Variants in RRBP1 observed in about 807,000 individuals in gnomAD.
RRBP1 encodes the protein ribosome-binding protein 1.
A neutral mutation model predicts 165.2 loss-of-function variants in RRBP1; 94 were observed. The observed-to-expected ratio is 0.57, with a 90% CI of 0.48 to 0.68. The LOEUF (loss-of-function observed/expected upper bound fraction) is 0.68. Ranked by LOEUF, RRBP1 falls within the 30% of genes least tolerant of loss-of-function variation. The pLI is 0.00. For missense variants in RRBP1, 1,676 were observed against 1,763.0 expected (o/e 0.95, Z 0.88); for synonymous variants, 680 against 714.5 (o/e 0.95, Z 0.77).
chr20:17,658,886 TCTC>T lies in RRBP1; in HGVS notation c.1619_1621del (p.Gly540del). 7 of 1,613,592 alleles carry T rather than the reference TCTC, an allele frequency of 4.3e-6. No individual in the cohort carries two copies. The highest frequency in any genetic ancestry group is 5.9e-6 in the Non-Finnish European group (7 of 1,179,898). ...CTTTTTGCCCTGGATGGGAGCTCCC[TCTC>T]CTTTTTTGCCTTGGTTGGGACTCCT... On this transcript the variant is annotated inframe_deletion, in exon 3 of 25. Coordinates refer to ENST00000377813, the MANE Select transcript of RRBP1 (RefSeq NM_001365613.2).
chr20:17,660,440 A>G lies in RRBP1; in HGVS notation c.68T>C (p.Ile23Thr). The G allele has an allele frequency of 2.5e-6, 4 of 1,614,182 alleles. No homozygotes were observed. Among genetic ancestry groups the G allele is most frequent in the Non-Finnish European group, 3.4e-6 (4 of 1,180,038 alleles). The change falls in exon 3 of 25, where the codon ATT becomes ACT. Residue 23 changes from isoleucine (I) to threonine (T), a missense_variant. Physicochemically the swap from Ile to Thr is moderately conservative, Grantham distance 89. Around this residue, in one of 5 missense-constraint regions of RRBP1, gnomAD observed 392 missense variants for 382.5 expected, o/e 1.02. Coordinates refer to ENST00000377813, the MANE Select transcript of RRBP1 (RefSeq NM_001365613.2). ...VFGGFMVVSA[I>T]GIFLVSTFSM... ...GAAAGTCGACACCAGGAAGATGCCA[A>G]TGGCAGAAACAACCATGAATCCTCC... is the stretch of plus-strand genomic sequence containing the variant.
intron 18 of RRBP1, 188 bp from the exon 19 acceptor site, chr20:17,619,916 C>T (rs2035875548): frequency 3.6e-6 from 2 of 560,366 alleles, no homozygotes; most frequent in Non-Finnish European, 6.3e-6. Flanking sequence ...TGGCAGGCTG[C>T]ACCCGGGCAC....
chr20:17,643,757 T>C lies in RRBP1; in HGVS notation c.1913-630A>G, dbSNP rs1429093122. 1.3e-5 allele frequency among the ~76,000 whole-genome samples: 2 copies of C among 152,156 alleles called. No homozygotes were observed. The highest frequency in any genetic ancestry group is 2.1e-4 in the South Asian group (1 of 4,828). On this transcript the variant is annotated intron_variant, in intron 3 of 24. Coordinates refer to ENST00000377813, the MANE Select transcript of RRBP1 (RefSeq NM_001365613.2). This position sits in a 1 kb window ranked among gnomAD's most constrained non-coding sequence, Gnocchi z 4.3. ...AGAGGGAAGGCTGGCTGGGTTCTTA[T>C]AGAAAGGGCCTGTCCACTGGCCAGT...
At chr20:17,665,496 C>T (rs145399680) in intron 2 of RRBP1, among the ~76,000 whole-genome samples, 4 of 152,226 alleles carry the variant, frequency 2.6e-5, no homozygotes, top group East Asian at 1.9e-4. Flanking sequence ...CTCAGGCTCC[C>T]GAGTAGCTGG....
intron 23 of RRBP1, 65 bp downstream of exon 23, chr20:17,615,366 C>T: frequency 7.4e-7 from 1 of 1,346,396 alleles, no homozygotes; most frequent in South Asian, 1.3e-5. Context: ...CTTTCCGAGG[C>T]CAAGAGTGGC....
At chr20:17,672,481 T>C (rs2036996489) in intron 2 of RRBP1, among the ~76,000 whole-genome samples, 2 of 152,240 alleles carry the variant, frequency 1.3e-5, no homozygotes, top group South Asian at 2.1e-4. Flanking sequence ...TCTTATTTAT[T>C]ATCAACGGTA....
chr20:17,668,796 C>T (rs1433176007), intron 2 of RRBP1, among the ~76,000 whole-genome samples: 1 of 152,184 alleles, frequency 6.6e-6, no homozygotes, highest in Admixed American at 6.5e-5. Flanking sequence ...ATGACTTTGA[C>T]CGATAATACC....
rs2122335374 is a variant in RRBP1, at chr20:17,636,680, T to C, written c.2234A>G (p.Lys745Arg). 6.2e-7 allele frequency: 1 copy of C among 1,613,406 alleles called. No individual in the cohort carries two copies. ...AKAAAGEAKV[K>R]KQLVAREQEI... The stretch of plus-strand genomic sequence containing the variant: ...CTGCTCCCGGGCCACCAGCTGCTTT[T>C]TCACTTTGGCCTCCCCGGCTGCTGC... Residue 745 changes from lysine to arginine, a missense_variant, in exon 6 of 25, where the codon AAA becomes AGA. Lys to Arg is a conservative substitution (Grantham distance 26). Transcript: ENST00000377813.
Position 17,627,507 on chromosome 20 carries a change from G to A in RRBP1, c.2925C>T (p.Val975=), listed in dbSNP as rs2036050677. ...TGGCCCCAGGCAGAAGGCTGACCTG[G>A]ACGTCCTGGGCATCCCGCGCCTGGC... ...EAGQARDAQD[V]QASQAEADQQ... is the part of the protein sequence containing the mutation. The change falls in exon 10 of 25, where the codon GTC becomes GTT. Residue 975 remains valine, a synonymous_variant. Transcript: ENST00000377813. 1 of 1,609,672 alleles carries A rather than the reference G, an allele frequency of 6.2e-7. No homozygotes were observed. Among genetic ancestry groups the A allele is most frequent in the Non-Finnish European group, 8.5e-7 (1 of 1,177,740 alleles).
intron 3 of RRBP1, among the ~76,000 whole-genome samples, chr20:17,654,573 G>A (rs913787651): frequency 1.3e-5 from 2 of 152,174 alleles, no homozygotes; most frequent in African/African-American, 4.8e-5. Context: ...GTTCATAAAT[G>A]CCTCCTTTCA....
At chr20:17,616,401 G>A (rs549059536) in intron 21 of RRBP1, among the ~76,000 whole-genome samples, 9 of 152,282 alleles carry the variant, frequency 5.9e-5, no homozygotes, top group South Asian at 2.1e-4. Flanking sequence ...TGTCCCAGCC[G>A]GGGTTGCAGT....
At chr20:17,645,417 A>G (rs186057391) in intron 3 of RRBP1, among the ~76,000 whole-genome samples, 4 of 152,408 alleles carry the variant, frequency 2.6e-5, no homozygotes, top group Admixed American at 2.6e-4. Flanking sequence ...AGCTGCGTAC[A>G]GCAAAATGTT....
chr20:17,626,811 C>T (rs951760452), intron 11 of RRBP1, among the ~76,000 whole-genome samples: 5 of 152,224 alleles, frequency 3.3e-5, no homozygotes, highest in Admixed American at 2.0e-4. Context: ...TGGCCTGGCG[C>T]TGGTGCTGCT....
chr20:17,652,523 C>T lies in RRBP1; in HGVS notation c.1912+6073G>A, dbSNP rs563211532. 3.9e-5 allele frequency among the ~76,000 whole-genome samples: 6 copies of T among 152,178 alleles called. No homozygotes were observed. In the South Asian group the frequency reaches 1.0e-3, roughly 26 times the overall value. The stretch of plus-strand genomic sequence containing the variant: ...CCACTGCCAAGCACCTCCCAGATCC[C>T]CGCAGCACAGCCCTCATGCCACCTC... On this transcript the variant is annotated intron_variant, in intron 3 of 24. Transcript: ENST00000377813.
intron 2 of RRBP1, among the ~76,000 whole-genome samples, chr20:17,677,953 C>T (rs1247287447): frequency 6.6e-6 from 1 of 152,186 alleles, no homozygotes; most frequent in Admixed American, 6.5e-5. Flanking sequence ...ACTGGAACTC[C>T]AATACTTTGG....
intron 2 of RRBP1, among the ~76,000 whole-genome samples, 198 bp downstream of exon 2, chr20:17,679,801 T>C (rs1247288368): frequency 6.6e-6 from 1 of 152,236 alleles, no homozygotes; most frequent in Admixed American, 6.5e-5. Flanking sequence ...AATCTCTCTG[T>C]AAATGTTCAG....
chr20:17,644,102 T>C (rs1458815108), intron 3 of RRBP1, among the ~76,000 whole-genome samples: 1 of 152,226 alleles, frequency 6.6e-6, no homozygotes, highest in East Asian at 1.9e-4. Context: ...ATTCTCTGGC[T>C]TGTCACAATA....
At chr20:17,623,656 G>T (rs1265229284) in intron 13 of RRBP1, among the ~76,000 whole-genome samples, 3 of 152,234 alleles carry the variant, frequency 2.0e-5, no homozygotes, top group African/African-American at 7.2e-5. Flanking sequence ...ATGGGACTGG[G>T]CGTGGTGGTT....
intron 3 of RRBP1, among the ~76,000 whole-genome samples, chr20:17,653,033 A>C (rs1242500956): frequency 2.6e-5 from 4 of 152,158 alleles, no homozygotes; most frequent in African/African-American, 9.6e-5. Context: ...GGGCACAGAG[A>C]CAAGGTGGGA....
Sources: gnomAD v4.1 joint callset for allele counts (sites outside exome capture counted in the v4.1 genomes callset) on GRCh38, gnomAD v4.1.1 for gene constraint, gnomAD v4.1.1 regional missense constraint, Gnocchi (gnomAD v3.1) non-coding constraint, MANE v1.5 for transcripts, NCBI Gene and HGNC (gene_info 2026-07-23, HGNC 2026-07-21) for gene names.